The following PFKM variants were observed in gnomAD, a reference collection of about 807,000 sequenced individuals.
PFKM encodes the protein ATP-dependent 6-phosphofructokinase, muscle type.
Under a neutral mutation model 95.5 loss-of-function variants are expected in PFKM, and 58 were observed. The ratio of observed to expected loss-of-function variants is 0.61; its 90% CI spans 0.49 to 0.76. The LOEUF is 0.76. PFKM is among the 30% of genes least tolerant of loss of function. The pLI is 0.00. For synonymous variants in PFKM, 336 were observed against 357.2 expected, an observed-to-expected ratio of 0.94 and a Z score of 0.67; for missense variants, 678 against 1,005.4, an observed-to-expected ratio of 0.67 and a Z score of 4.40.
At chr12:48,141,892 C>G in intron 16 of PFKM, 22 bp from the exon 17 acceptor site, 1 of 1,614,072 alleles carries the variant, frequency 6.2e-7, no homozygotes, top group Non-Finnish European at 8.5e-7. Flanking sequence ...CCAATCCTGC[C>G]CTTGTGCTCT....
chr12:48,113,588 A>C (rs1947397664), intron 3 of PFKM, among the ~76,000 whole-genome samples: 1 of 152,160 alleles, frequency 6.6e-6, no homozygotes, highest in South Asian at 2.1e-4. Flanking sequence ...GATTTCCGAC[A>C]CTTGAAGCAA....
intron 2 of PFKM, chr12:48,107,971 G>A: frequency 8.3e-7 from 1 of 1,204,060 alleles, no homozygotes; most frequent in Non-Finnish European, 1.2e-6. Flanking sequence ...TGGAAAGAAA[G>A]CCCTGGACAG....
chr12:48,110,204 A>T (rs1947059793), intron 3 of PFKM, among the ~76,000 whole-genome samples: 1 of 152,178 alleles, frequency 6.6e-6, no homozygotes, highest in Non-Finnish European at 1.5e-5. Context: ...AGAAAAGGGG[A>T]CAATAGGCTG....
At chr12:48,127,281 G>A (rs561844174) in intron 2 of PFKM, among the ~76,000 whole-genome samples, 43 of 152,036 alleles carry the variant, frequency 2.8e-4, no homozygotes, top group Non-Finnish European at 5.4e-4. Context: ...TTTTCCTCAG[G>A]GTTGCATTCC....
Position 48,132,143 on chromosome 12 carries a change from G to A in PFKM, c.238-725G>A, listed in dbSNP as rs1949565473. On this transcript the variant is annotated intron_variant, in intron 4 of 22. Coordinates refer to ENST00000359794, the MANE Select transcript of PFKM (RefSeq NM_000289.6). ...GAGAATGAGCCAGAATTCTCCACCAGTATCCCAAAGTCATGGCTGCCCAGG... is the reference window on the plus strand; with the variant it reads ...GAGAATGAGCCAGAATTCTCCACCAATATCCCAAAGTCATGGCTGCCCAGG... The A allele has an allele frequency of 1.1e-5, 5 of 451,958 alleles. No homozygotes were observed. In the Admixed American group the frequency reaches 1.2e-4, roughly 11 times the overall value. 28.0% of individuals were successfully genotyped at this position (451,958 alleles called of 1,614,324 possible).
At chr12:48,138,855 C>T in intron 11 of PFKM, among the ~76,000 whole-genome samples, 1 of 152,038 alleles carries the variant, frequency 6.6e-6, no homozygotes, top group Non-Finnish European at 1.5e-5. Flanking sequence ...GAGATTGAGA[C>T]CATCCTGGCT....
Position 48,131,403 on chromosome 12 carries a change from A to G in PFKM, c.237+10A>G, listed in dbSNP as rs753085406. ...GATGATGCTTCAGCTGGTATGTTCC[A>G]GAGAACTCCCTGTCCCATATTTGCT... On this transcript the variant is annotated intron_variant, in intron 4 of 22. Coordinates refer to ENST00000359794, the MANE Select transcript of PFKM (RefSeq NM_000289.6). 5 of 1,597,840 alleles carry G rather than the reference A, an allele frequency of 3.1e-6. No homozygotes were observed. The East Asian group carries it at 8.9e-5, about 29-fold the overall frequency.
At chr12:48,113,320 C>G (rs963174046) in intron 3 of PFKM, among the ~76,000 whole-genome samples, 1 of 152,192 alleles carries the variant, frequency 6.6e-6, no homozygotes, top group African/African-American at 2.4e-5. Flanking sequence ...CGGACTTACC[C>G]TCCACTGTAA....
chr12:48,110,096 C>T (rs1565837363), intron 3 of PFKM, among the ~76,000 whole-genome samples: 1 of 152,058 alleles, frequency 6.6e-6, no homozygotes, highest in East Asian at 1.9e-4. Flanking sequence ...GAGGATAAAA[C>T]AGGGGGTGTA....
At chr12:48,118,229 G>T (rs1426539482), upstream of PFKM, among the ~76,000 whole-genome samples, 3 of 152,144 alleles carry the variant, frequency 2.0e-5, no homozygotes, top group Non-Finnish European at 4.4e-5. Flanking sequence ...CTGAGAGGAG[G>T]GGTCTATTCA....
intron 2 of PFKM, chr12:48,125,621 CAAAAA>C (rs562841214): frequency 4.9e-5 from 5 of 103,056 alleles, no homozygotes; most frequent in Non-Finnish European, 8.3e-5. Flanking sequence ...AACTCTGTCT[CAAAAA>C]AAAAAAAAAA....
Position 48,108,220 on chromosome 12 carries a change from A to G in PFKM, c.205+26A>G, listed in dbSNP as rs768707570. 26 of 1,591,804 alleles carry G rather than the reference A, an allele frequency of 1.6e-5. No homozygotes were observed. The East Asian group carries it at 5.8e-4, about 36-fold the overall frequency. ...GTGAGGCATGTGGGTCAACAGTGAG[A>G]AATGTTCAAAGGAATATGGGAAAGT... On this transcript the variant is annotated intron_variant, in intron 3 of 24. Transcript: ENST00000340802.
upstream of PFKM, among the ~76,000 whole-genome samples, chr12:48,118,171 C>T (rs1947843603): frequency 6.6e-6 from 1 of 152,166 alleles, no homozygotes; most frequent in South Asian, 2.1e-4. Flanking sequence ...TTCCCCTTTC[C>T]ATCAACGTCT....
chr12:48,132,914 G>C lies in PFKM; in HGVS notation c.284G>C (p.Arg95Pro). The C allele has an allele frequency of 6.2e-7, 1 of 1,614,150 alleles. No homozygotes were observed. Among genetic ancestry groups the C allele is most frequent in the Non-Finnish European group, 8.5e-7 (1 of 1,180,030 alleles). The change falls in exon 5 of 23, where the codon CGA becomes CCA. Residue 95 changes from arginine to proline, a missense_variant. Arg to Pro is a moderately radical substitution (Grantham distance 103). Coordinates refer to ENST00000359794, the MANE Select transcript of PFKM (RefSeq NM_000289.6). ...GCCCGGTGCAAGGACTTTCGGGAAC[G>C]AGAAGGACGACTCCGAGCTGCCTAC... ...GSARCKDFRE[R>P]EGRLRAAYNL...
Position 48,122,849 on chromosome 12 carries a change from A to G in PFKM, c.75A>G (p.Gly25=), listed in dbSNP as rs112068344. 1 of 1,614,060 alleles carries G rather than the reference A, an allele frequency of 6.2e-7. No individual in the cohort carries two copies. ...CCATTGCTGTCTTAACCTCTGGTGG[A>G]GATGCCCAAGGTAAGGAGGAGGGGA... is the stretch of plus-strand genomic sequence containing the variant. ...GKAIAVLTSG[G]DAQGMNAAVR... Residue 25 remains glycine (G), a synonymous_variant, in exon 2 of 23, where the codon GGA becomes GGG. Transcript: ENST00000359794.
chr12:48,111,030 C>T (rs1186886959), intron 3 of PFKM, among the ~76,000 whole-genome samples: 2 of 152,186 alleles, frequency 1.3e-5, no homozygotes, highest in African/African-American at 4.8e-5. Context: ...GAAAAAAGCT[C>T]AGGGGTAGCA....
In PFKM at chr12:48,145,300, A is replaced by C; in HGVS notation, c.2183A>C (p.Asp728Ala). The C allele has an allele frequency of 6.2e-7, 1 of 1,613,534 alleles. No homozygotes were observed. The highest frequency in any genetic ancestry group is 8.5e-7 in the Non-Finnish European group (1 of 1,179,560). The change falls in exon 22 of 23, where the codon GAC (aspartate) becomes GCC (alanine). Residue 728 changes from aspartate to alanine, a missense_variant. Transcript: ENST00000359794. The surrounding 1 kb of genome is among the most constrained non-coding windows in gnomAD (Gnocchi z 4.3). ...LVFQPVAELKDQTDFEHRIPK... is the reference protein window; with the variant it reads ...LVFQPVAELKAQTDFEHRIPK... ...TTCCAACCAGTGGCTGAGCTGAAGG[A>C]CCAGACAGATTTTGAGTGAGTACAT...
intron 2 of PFKM, among the ~76,000 whole-genome samples, chr12:48,124,871 G>C (rs147893186): frequency 6.6e-6 from 1 of 152,350 alleles, no homozygotes; most frequent in Non-Finnish European, 1.5e-5. Flanking sequence ...CTCAAATTCA[G>C]AAGTCGCCTG....
upstream of PFKM, among the ~76,000 whole-genome samples, chr12:48,114,944 C>T (rs1179223436): frequency 6.6e-6 from 1 of 152,042 alleles, no homozygotes; most frequent in East Asian, 1.9e-4. Flanking sequence ...AGAACACAGG[C>T]TAAGGCAGAA....
Sources: allele counts gnomAD v4.1 joint callset (sites outside exome capture counted in the v4.1 genomes callset), GRCh38; gene constraint gnomAD v4.1.1; non-coding constraint Gnocchi (gnomAD v3.1); transcripts MANE v1.5; gene names NCBI Gene and HGNC (gene_info 2026-07-23, HGNC 2026-07-21).